The following PIK3C2G variants were observed in gnomAD, a reference collection of about 807,000 sequenced individuals.
The protein encoded by PIK3C2G is phosphatidylinositol 3-kinase C2 domain-containing subunit gamma.
In PIK3C2G, 168 loss-of-function variants were observed where a neutral mutation model predicts 181.1. That is an observed-to-expected ratio of 0.93 (90% CI 0.82 to 1.05). The LOEUF (loss-of-function observed/expected upper bound fraction) is 1.05, where lower values mean the gene tolerates loss of function less well. Among genes scored for constraint, PIK3C2G ranks in the 50% least tolerant of loss-of-function variants. The pLI, the probability that PIK3C2G is intolerant of heterozygous loss-of-function variation, is 0.00. For synonymous variants in PIK3C2G, 573 were observed against 592.2 expected, an observed-to-expected ratio of 0.97 and a Z score of 0.47; for missense variants, 1,869 against 1,732.8, an observed-to-expected ratio of 1.08 and a Z score of -1.40.
chr12:18,291,414 T>C (rs1034178516), intron 4 of PIK3C2G, among the ~76,000 whole-genome samples: 2 of 152,190 alleles, frequency 1.3e-5, no homozygotes, highest in African/African-American at 2.4e-5. Flanking sequence ...TAGGCATTGT[T>C]ACACAGAATC....
intron 18 of PIK3C2G, among the ~76,000 whole-genome samples, chr12:18,475,604 A>G (rs1184153643): frequency 6.6e-6 from 1 of 152,016 alleles, no homozygotes; most frequent in Admixed American, 6.6e-5. Flanking sequence ...AATTCCACCA[A>G]ATTTTTCCCC....
At chr12:18,259,155 A>G (rs1381717389), upstream of PIK3C2G, among the ~76,000 whole-genome samples, 3 of 152,124 alleles carry the variant, frequency 2.0e-5, no homozygotes, top group Non-Finnish European at 4.4e-5. Context: ...TGATAGCAGA[A>G]ATCTTGTCGG....
intron 3 of PIK3C2G, among the ~76,000 whole-genome samples, chr12:18,289,856 C>A (rs898901999): frequency 7.3e-5 from 11 of 150,210 alleles, no homozygotes; most frequent in Non-Finnish European, 1.6e-4. Context: ...AGGTAGAGAA[C>A]CATGAGGTTT....
the PIK3C2G span, among the ~76,000 whole-genome samples, chr12:18,653,877 A>T: frequency 6.6e-6 from 1 of 152,086 alleles, no homozygotes; most frequent in Non-Finnish European, 1.5e-5. Flanking sequence ...GAAATAAGTG[A>T]CTGAGATTAT....
the PIK3C2G span, among the ~76,000 whole-genome samples, chr12:18,716,342 C>G: frequency 6.6e-6 from 1 of 151,988 alleles, no homozygotes; most frequent in Non-Finnish European, 1.5e-5. Flanking sequence ...TTAATTTTAT[C>G]CATGGATCAA....
intron 18 of PIK3C2G, among the ~76,000 whole-genome samples, chr12:18,484,770 T>C (rs1939880346): frequency 6.6e-6 from 1 of 152,198 alleles, no homozygotes; most frequent in East Asian, 1.9e-4. Context: ...TAACGCTAAA[T>C]AGGCATGCTT....
At chr12:18,417,007 A>G (rs1945218308) in intron 16 of PIK3C2G, among the ~76,000 whole-genome samples, 1 of 152,184 alleles carries the variant, frequency 6.6e-6, no homozygotes, top group Non-Finnish European at 1.5e-5. Context: ...TATAATTAAG[A>G]ACATTGGTGA....
At chr12:18,315,435 C>A (rs1006064640) in intron 6 of PIK3C2G, among the ~76,000 whole-genome samples, 1 of 152,038 alleles carries the variant, frequency 6.6e-6, no homozygotes, top group African/African-American at 2.4e-5. Context: ...TTCATTGGAG[C>A]ATGGGGGAAG....
intron 18 of PIK3C2G, among the ~76,000 whole-genome samples, chr12:18,443,022 C>T (rs1211745452): frequency 2.6e-5 from 4 of 152,124 alleles, no homozygotes; most frequent in Non-Finnish European, 4.4e-5. Context: ...CAGGCACCCG[C>T]CACCATGCCC....
intron 1 of PIK3C2G, among the ~76,000 whole-genome samples, chr12:18,264,533 T>C (rs928841400): frequency 3.2e-4 from 48 of 152,206 alleles, no homozygotes; most frequent in Non-Finnish European, 8.8e-5. Context: ...TATTGGCTTA[T>C]ATTCTTCATA....
In PIK3C2G at chr12:18,340,801, G is replaced by A. The variant is rs376572046; in HGVS notation, c.1395+2253G>A. 1.9e-4 allele frequency among the ~76,000 whole-genome samples: 29 copies of A among 152,282 alleles called. No individual in the cohort carries two copies. In the South Asian group the frequency reaches 3.1e-3, roughly 16 times the overall value. On this transcript the variant is annotated intron_variant, in intron 9 of 32. Coordinates refer to ENST00000538779, the MANE Select transcript of PIK3C2G (RefSeq NM_001288772.2). ...ATGTTAATAAAGGGCCCTGATGACAGTGTAGCTTAAATGAGATCATTGCTG... is the reference window on the plus strand; with the variant it reads ...ATGTTAATAAAGGGCCCTGATGACAATGTAGCTTAAATGAGATCATTGCTG...
intron 28 of PIK3C2G, among the ~76,000 whole-genome samples, chr12:18,564,518 A>G (rs779637483): frequency 5.3e-5 from 8 of 151,870 alleles, no homozygotes; most frequent in Non-Finnish European, 1.2e-4. Context: ...ATATTGCACA[A>G]TATTAAAAAT....
chr12:18,602,358 C>G (rs373329229), intron 30 of PIK3C2G, among the ~76,000 whole-genome samples: 1 of 151,810 alleles, frequency 6.6e-6, no homozygotes, highest in African/African-American at 2.4e-5. Context: ...GCCCACCCCC[C>G]ACAGCAGTCG....
At chr12:18,495,490 T>C (rs1007145502) in intron 20 of PIK3C2G, among the ~76,000 whole-genome samples, 1 of 152,148 alleles carries the variant, frequency 6.6e-6, no homozygotes, top group Non-Finnish European at 1.5e-5. Flanking sequence ...TCAAAGTACC[T>C]GATTAGTGTC....
intron 31 of PIK3C2G, among the ~76,000 whole-genome samples, chr12:18,625,920 T>G (rs1204588238): frequency 6.6e-6 from 1 of 151,870 alleles, no homozygotes; most frequent in Non-Finnish European, 1.5e-5. Flanking sequence ...AAAAGTGAAG[T>G]GAACGTCTTG....
At chr12:18,448,105 G>A (rs1947128084) in intron 18 of PIK3C2G, among the ~76,000 whole-genome samples, 1 of 152,048 alleles carries the variant, frequency 6.6e-6, no homozygotes, top group African/African-American at 2.4e-5. Flanking sequence ...TCACTAAGTA[G>A]TATTAATTAA....
At chr12:18,246,163 G>A (rs1249926240), upstream of PIK3C2G, among the ~76,000 whole-genome samples, 1 of 152,032 alleles carries the variant, frequency 6.6e-6, no homozygotes, top group African/African-American at 2.4e-5. Flanking sequence ...ACCACAATGG[G>A]CAAAACTGAA....
rs387907453 is a variant in PIK3C2G at position 18,497,650 on chromosome 12, T to C, written c.2918T>C (p.Val973Ala). ...GATGATCTTCGTCAGGATATGCTTGTTCTGCAGCTTATTCAAGTGATGGAC... is the reference window on the plus strand; with the variant it reads ...GATGATCTTCGTCAGGATATGCTTGCTCTGCAGCTTATTCAAGTGATGGAC... ...AGDDLRQDML[V>A]LQLIQVMDNI... The change falls in exon 22 of 33, where the codon GTT (valine) becomes GCT (alanine). Residue 973 changes from valine (V) to alanine (A), a missense_variant. Physicochemically the swap from Val to Ala is moderately conservative, Grantham distance 64 (BLOSUM62 0). Transcript: ENST00000538779. The C allele has an allele frequency of 4.3e-6, 7 of 1,612,936 alleles. No individual in the cohort carries two copies. In the East Asian group the frequency reaches 6.7e-5, roughly 15 times the overall value.
At chr12:18,596,508 A>C (rs1038670018) in intron 30 of PIK3C2G, among the ~76,000 whole-genome samples, 1 of 152,100 alleles carries the variant, frequency 6.6e-6, no homozygotes, top group African/African-American at 2.4e-5. Context: ...AAAATTATCT[A>C]CTCACAACTA....
Sources: gnomAD v4.1 joint callset for allele counts (sites outside exome capture counted in the v4.1 genomes callset) on GRCh38, gnomAD v4.1.1 for gene constraint, MANE v1.5 for transcripts, NCBI Gene and HGNC (gene_info 2026-07-23, HGNC 2026-07-21) for gene names.